NUP98: variants seen among roughly 807,000 people sequenced by gnomAD.
NUP98 encodes nucleoporin 98 and 96 precursor.
A neutral mutation model predicts 191.9 loss-of-function variants in NUP98; 26 were observed. The observed-to-expected ratio is 0.14, with a 90% CI of 0.10 to 0.19. The LOEUF (loss-of-function observed/expected upper bound fraction) is 0.19. Among genes scored for constraint, NUP98 ranks in the 10% least tolerant of loss-of-function variants. NUP98 has a pLI of 1.00. For missense variants in NUP98, 1,941 were observed against 2,178.8 expected (o/e 0.89, Z 2.17); for synonymous variants, 808 against 778.4 (o/e 1.04, Z -0.63).
chr11:3,722,278 A>C (rs1321321888), intron 16 of NUP98, among the ~76,000 whole-genome samples: 1 of 151,424 alleles, frequency 6.6e-6, no homozygotes, highest in African/African-American at 2.4e-5. Context: ...ACACCTGGCT[A>C]ATTACTTTTA....
intron 22 of NUP98, 98 bp downstream of exon 22, chr11:3,705,102 T>C: frequency 9.0e-7 from 1 of 1,108,368 alleles, no homozygotes; most frequent in South Asian, 1.4e-5. Context: ...TGGCAGATAC[T>C]TGCTAGAGAA....
At chr11:3,764,664 C>T (rs1421102125) in intron 8 of NUP98, among the ~76,000 whole-genome samples, 2 of 152,176 alleles carry the variant, frequency 1.3e-5, no homozygotes, top group Non-Finnish European at 2.9e-5. Context: ...CCACAACCTC[C>T]GCCTCCCGGG....
At chr11:3,780,496 C>T (rs551332026) in intron 2 of NUP98, among the ~76,000 whole-genome samples, 1 of 132,008 alleles carries the variant, frequency 7.6e-6, no homozygotes, top group Non-Finnish European at 1.6e-5. Flanking sequence ...GAGCTGAGAT[C>T]GCACCACCGC....
chr11:3,680,885 G>A (rs112456493), intron 30 of NUP98, among the ~76,000 whole-genome samples: 4,893 of 152,108 alleles, frequency 0.032, 275 homozygotes, highest in African/African-American at 0.11. Context: ...CTTTAAGACA[G>A]GATCTCCCTC....
intron 29 of NUP98, among the ~76,000 whole-genome samples, chr11:3,683,943 C>T (rs186862358): frequency 6.6e-6 from 1 of 152,110 alleles, no homozygotes; most frequent in Non-Finnish European, 1.5e-5. Flanking sequence ...CACAGTGCCT[C>T]ACGCCTGTAA....
intron 31 of NUP98, among the ~76,000 whole-genome samples, chr11:3,678,136 T>TA (rs76077592): frequency 0.068 from 7,054 of 103,304 alleles, 563 homozygotes; most frequent in African/African-American, 0.21. Context: ...AAACTCTGCC[T>TA]AAAAAAAAAA....
At chr11:3,745,627 A>AT (rs2080461750) in intron 11 of NUP98, among the ~76,000 whole-genome samples, 2 of 152,168 alleles carry the variant, frequency 1.3e-5, no homozygotes, top group Non-Finnish European at 2.9e-5. Flanking sequence ...TTAAAGTTCC[A>AT]TTAAAAAAAG....
intron 14 of NUP98, among the ~76,000 whole-genome samples, chr11:3,729,298 G>T (rs559322046): frequency 6.6e-6 from 1 of 152,090 alleles, no homozygotes; most frequent in African/African-American, 2.4e-5. Context: ...AAAGGGGACT[G>T]AGAAGCAGCA....
At chr11:3,700,151 C>A (rs531404256) in intron 24 of NUP98, among the ~76,000 whole-genome samples, 1 of 151,340 alleles carries the variant, frequency 6.6e-6, no homozygotes, top group Non-Finnish European at 1.5e-5. Context: ...GTCAAGAGAT[C>A]GAGACAATCC....
chr11:3,759,884 G>C (rs2081106429), intron 10 of NUP98, among the ~76,000 whole-genome samples: 1 of 150,722 alleles, frequency 6.6e-6, no homozygotes, highest in Non-Finnish European at 1.5e-5. Context: ...TGTTGCCTAG[G>C]CTGGAATGCA....
intron 26 of NUP98, among the ~76,000 whole-genome samples, chr11:3,693,762 T>C (rs2078399513): frequency 6.6e-6 from 1 of 152,218 alleles, no homozygotes; most frequent in Admixed American, 6.5e-5. Flanking sequence ...ATCTTCTCAC[T>C]GTCTATGGTT....
At chr11:3,796,792 C>CTT (rs2082626315) in intron 1 of NUP98, among the ~76,000 whole-genome samples, 4 of 152,192 alleles carry the variant, frequency 2.6e-5, no homozygotes, top group Non-Finnish European at 5.9e-5. Context: ...TTGACTTAAA[C>CTT]AATTTCTAAA....
Position 3,779,055 on chromosome 11 carries a change from G to A in NUP98, c.179-6C>T, listed in dbSNP as rs1196579577. 2.5e-6 allele frequency: 4 copies of A among 1,614,044 alleles called. No homozygotes were observed. The highest frequency in any genetic ancestry group is 1.3e-5 in the African/African-American group (1 of 74,938). ...ACTGGTTCCAAACAATCCTCCTGAG[G>A]AGATGGAGAAGGAGGGAAAAAGTTA... On this transcript the variant is annotated splice_polypyrimidine_tract_variant and splice_region_variant and intron_variant, in intron 3 of 32. Coordinates refer to ENST00000324932, the MANE Select transcript of NUP98 (RefSeq NM_016320.5).
At chr11:3,723,836 T>C (rs2079504355) in intron 15 of NUP98, among the ~76,000 whole-genome samples, 1 of 150,584 alleles carries the variant, frequency 6.6e-6, no homozygotes, top group Non-Finnish European at 1.5e-5. Context: ...TTTCTTTTTT[T>C]TTTTTTCTTT....
chr11:3,734,577 A>C (rs184701725), intron 13 of NUP98, among the ~76,000 whole-genome samples: 1 of 152,354 alleles, frequency 6.6e-6, no homozygotes, highest in East Asian at 1.9e-4. Flanking sequence ...ATAAGCGGTA[A>C]AACAAGGATC....
In NUP98 at chr11:3,766,689, CAAAAAAAAAAA is replaced by C. The variant is rs544567161; in HGVS notation, c.948+1881_948+1891del. On this transcript the variant is annotated intron_variant, in intron 8 of 32. Coordinates refer to ENST00000324932, the MANE Select transcript of NUP98 (RefSeq NM_016320.5). ...GGGCGACAACAGTGAAACTCCGTCTCAAAAAAAAAAAAAAAAAAAAAGAGAGAAGCCTGAGG... is the reference window on the plus strand; with the variant it reads ...GGGCGACAACAGTGAAACTCCGTCTCAAAAAAAAAAGAGAGAAGCCTGAGG... Among the ~76,000 whole-genome samples, 6 of 58,886 alleles carry C rather than the reference CAAAAAAAAAAA, an allele frequency of 1.0e-4. No homozygotes were observed. In the East Asian group the frequency reaches 2.3e-3, roughly 23 times the overall value. The allele number at this position is 58,886 out of a possible 152,430, so 38.6% of individuals were successfully genotyped here.
chr11:3,676,063 A>C lies in NUP98; in HGVS notation c.*96T>G. 8.2e-7 allele frequency: 1 copy of C among 1,225,066 alleles called. No individual in the cohort carries two copies. The highest frequency in any genetic ancestry group is 1.2e-6 in the Non-Finnish European group (1 of 865,288). The allele number at this position is 1,225,066 out of a possible 1,614,324, so 75.9% of individuals were successfully genotyped here. On this transcript the variant is annotated 3_prime_UTR_variant, in exon 33 of 33. Transcript: ENST00000324932. ...GGGAGGGAGGGTAGATGCCACAGCC[A>C]ACCCAGAGAATGGCAAACAGTGCCA...
chr11:3,773,757 G>C lies in NUP98; in HGVS notation c.496-18C>G, dbSNP rs372293553. 54 of 1,537,522 alleles carry C rather than the reference G, an allele frequency of 3.5e-5. No homozygotes were observed. The African/African-American group carries it at 5.6e-4, about 16-fold the overall frequency. ...GTTGGAGGCTGCAAAGTTAAATAAA[G>C]GCAAATTTGTAGGTCCAAGTTTTAC... On this transcript the variant is annotated intron_variant, in intron 5 of 32. Transcript: ENST00000324932.
At chr11:3,702,356 CTCTCTCTCTCT>C (rs2078730370) in intron 23 of NUP98, 96 bp downstream of exon 23, 2 of 582,218 alleles carry the variant, frequency 3.4e-6, no homozygotes, top group African/African-American at 2.7e-5. Context: ...CTCTCTCTCT[CTCTCTCTCTCT>C]CTAGAAAGAT....
Sources: gnomAD v4.1 joint callset for allele counts (sites outside exome capture counted in the v4.1 genomes callset) on GRCh38, gnomAD v4.1.1 for gene constraint, MANE v1.5 for transcripts, NCBI Gene and HGNC (gene_info 2026-07-23, HGNC 2026-07-21) for gene names.